The following DMD variants were observed in gnomAD, a reference collection of about 807,000 sequenced individuals.
DMD encodes the protein mutant dystrophin.
A neutral mutation model predicts 330.1 loss-of-function variants in DMD; 63 were observed. The ratio of observed to expected loss-of-function variants is 0.19; its 90% CI spans 0.16 to 0.24. The LOEUF is 0.24. Ranked by LOEUF, DMD falls within the 10% of genes least tolerant of loss-of-function variation. DMD has a pLI of 1.00. For missense variants in DMD, 3,344 were observed against 2,684.1 expected (o/e 1.25, Z -5.43); for synonymous variants, 1,223 against 959.8 (o/e 1.27, Z -5.07).
chrX:32,789,739 AT>A (rs200426567), intron 7 of DMD, among the ~76,000 whole-genome samples: 4,219 of 111,966 alleles, frequency 0.038, 200 homozygotes, highest in African/African-American at 0.13. Context: ...AAGACATAAG[AT>A]AAAGTATGGA....
chrX:31,332,211 A>G (rs1423087627), intron 61 of DMD, among the ~76,000 whole-genome samples: 1 of 111,889 alleles, frequency 8.9e-6, no homozygotes, highest in Non-Finnish European at 1.9e-5. Context: ...TGGGGCTCAC[A>G]ACCCAACACA....
intron 60 of DMD, among the ~76,000 whole-genome samples, chrX:31,421,733 G>T (rs940441431): frequency 9.2e-6 from 1 of 108,671 alleles, no homozygotes; most frequent in Non-Finnish European, 1.9e-5. Context: ...TCTGATTTCT[G>T]ATCTTGCTTT....
Position 32,363,956 on chromosome X carries a change from G to A in DMD, c.5154+626C>T, listed in dbSNP as rs188591910. ...AATAGAAACAATGTAGTGTCTATAA[G>A]GTATATTTGCGTATTACACCTCTCA... On this transcript the variant is annotated intron_variant, in intron 36 of 78. Transcript: ENST00000357033. Among the ~76,000 whole-genome samples, 1,091 of 111,464 alleles carry A rather than the reference G, an allele frequency of 9.8e-3. 7 individuals are homozygous for A. The highest frequency in any genetic ancestry group is 0.015 in the Non-Finnish European group (809 of 52,978).
At chrX:31,139,394 T>G (rs777698015) in intron 76 of DMD, among the ~76,000 whole-genome samples, 3 of 110,321 alleles carry the variant, frequency 2.7e-5, no homozygotes, top group African/African-American at 9.9e-5. Flanking sequence ...AATTCATAAT[T>G]GCAGAAATAC....
At chrX:32,781,517 C>G (rs1471885896) in intron 7 of DMD, among the ~76,000 whole-genome samples, 4 of 111,034 alleles carry the variant, frequency 3.6e-5, no homozygotes, top group African/African-American at 9.8e-5. Flanking sequence ...TCATATATAA[C>G]TCAATATACC....
intron 61 of DMD, among the ~76,000 whole-genome samples, chrX:31,338,608 C>T (rs1240753258): frequency 1.8e-5 from 2 of 111,284 alleles, no homozygotes; most frequent in African/African-American, 6.5e-5. Context: ...CTTTATCCTG[C>T]TTCCCTCACT....
At chrX:32,450,427 T>C (rs1281285327) in intron 26 of DMD, among the ~76,000 whole-genome samples, 1 of 111,258 alleles carries the variant, frequency 9.0e-6, no homozygotes, top group East Asian at 2.8e-4. Flanking sequence ...ATCAGCTTTT[T>C]GGCATCACTG....
At chrX:32,304,763 A>T (rs1479778823) in intron 42 of DMD, among the ~76,000 whole-genome samples, 1 of 111,092 alleles carries the variant, frequency 9.0e-6, no homozygotes, top group Non-Finnish European at 1.9e-5. Flanking sequence ...GTGTTGAAAA[A>T]CTCAATTTTT....
At chrX:32,367,723 G>A (rs1396242078) in intron 34 of DMD, among the ~76,000 whole-genome samples, 1 of 111,899 alleles carries the variant, frequency 8.9e-6, no homozygotes, top group Non-Finnish European at 1.9e-5. Flanking sequence ...ATGTTCAGTT[G>A]ATGGGAACAA....
At chrX:31,755,892 T>G (rs1378500004) in intron 51 of DMD, among the ~76,000 whole-genome samples, 1 of 111,750 alleles carries the variant, frequency 8.9e-6, no homozygotes, top group Admixed American at 9.6e-5. Context: ...CACATAATTA[T>G]TTTTTCACAG....
chrX:31,440,575 G>A (rs1447157024), intron 60 of DMD, among the ~76,000 whole-genome samples: 1 of 112,140 alleles, frequency 8.9e-6, no homozygotes, highest in Non-Finnish European at 1.9e-5. Flanking sequence ...CTGTGACTGT[G>A]GTACTTCATG....
intron 1 of DMD, among the ~76,000 whole-genome samples, chrX:33,283,745 G>A (rs2053379001): frequency 9.0e-6 from 1 of 110,858 alleles, no homozygotes; most frequent in East Asian, 2.8e-4. Flanking sequence ...GAGGCCAGGT[G>A]CGGTGGCTCA....
chrX:32,236,815 T>C (rs1245124092), intron 43 of DMD, among the ~76,000 whole-genome samples: 4 of 112,183 alleles, frequency 3.6e-5, no homozygotes, highest in African/African-American at 1.3e-4. Flanking sequence ...ATTTTTCCAA[T>C]AATAAATGAG....
chrX:33,013,231 C>T (rs777164912), intron 2 of DMD, among the ~76,000 whole-genome samples: 18 of 111,152 alleles, frequency 1.6e-4, no homozygotes, highest in African/African-American at 5.9e-4. Flanking sequence ...ACATTTTACT[C>T]ATCTTGAATA....
intron 30 of DMD, among the ~76,000 whole-genome samples, chrX:32,395,435 G>C (rs368298827): frequency 1.3e-3 from 33 of 25,738 alleles, no homozygotes; most frequent in African/African-American, 7.0e-3. Context: ...GGTGGGGGGA[G>C]GGGGGAGGGA....
intron 7 of DMD, among the ~76,000 whole-genome samples, chrX:32,741,076 T>C (rs1426397416): frequency 9.0e-6 from 1 of 111,608 alleles, no homozygotes; most frequent in South Asian, 3.8e-4. Context: ...AAGTGACTCT[T>C]GTATGTGCCG....
intron 43 of DMD, among the ~76,000 whole-genome samples, chrX:32,233,603 A>T (rs1038449743): frequency 3.4e-5 from 2 of 58,631 alleles, no homozygotes; most frequent in African/African-American, 1.5e-4. Context: ...TTTTTCTTTT[A>T]TTTATTTATT....
At chrX:32,639,946 T>C (rs1333491365) in intron 11 of DMD, among the ~76,000 whole-genome samples, 1 of 110,326 alleles carries the variant, frequency 9.1e-6, no homozygotes, top group African/African-American at 3.3e-5. Flanking sequence ...AGGTCTGTAA[T>C]ACTAGTACTT....
chrX:33,279,081 T>A (rs946807710), intron 1 of DMD, among the ~76,000 whole-genome samples: 9 of 111,727 alleles, frequency 8.1e-5, no homozygotes, highest in African/African-American at 2.9e-4. Context: ...CTAATAGACA[T>A]CTACATACTA....
Sources: allele counts gnomAD v4.1 joint callset (sites outside exome capture counted in the v4.1 genomes callset), GRCh38; gene constraint gnomAD v4.1.1; transcripts MANE v1.5; gene names NCBI Gene and HGNC (gene_info 2026-07-23, HGNC 2026-07-21).